Variants in THSD7A observed in about 807,000 individuals in gnomAD.
THSD7A encodes the protein thrombospondin type-1 domain-containing protein 7A.
A neutral mutation model predicts 231.3 loss-of-function variants in THSD7A; 96 were observed. That is an observed-to-expected ratio of 0.41 (90% CI 0.35 to 0.49). THSD7A has a LOEUF of 0.49. Ranked by LOEUF, THSD7A falls within the 20% of genes least tolerant of loss-of-function variation. The pLI is 0.05. For synonymous variants in THSD7A, 940 were observed against 743.3 expected (o/e 1.26, Z -4.30); for missense variants, 2,290 against 2,070.2 (o/e 1.11, Z -2.06).
intron 1 of THSD7A, among the ~76,000 whole-genome samples, chr7:11,646,632 C>T (rs1782292960): frequency 6.6e-6 from 1 of 151,944 alleles, no homozygotes; most frequent in Non-Finnish European, 1.5e-5. Context: ...CAAAAGTGAG[C>T]TACCTTTGGA....
intron 1 of THSD7A, among the ~76,000 whole-genome samples, chr7:11,708,700 G>C (rs1039614648): frequency 6.6e-6 from 1 of 150,694 alleles, no homozygotes; most frequent in African/African-American, 2.4e-5. Context: ...TAATTCAAAA[G>C]TTTTGGACCA....
chr7:11,575,520 G>C (rs890940293), intron 4 of THSD7A, among the ~76,000 whole-genome samples: 2 of 152,070 alleles, frequency 1.3e-5, no homozygotes, highest in Admixed American at 6.5e-5. Flanking sequence ...TATCCTCACC[G>C]CAATGATGGT....
intron 2 of THSD7A, among the ~76,000 whole-genome samples, chr7:11,610,585 T>C (rs1248202693): frequency 6.6e-6 from 1 of 152,118 alleles, no homozygotes; most frequent in Admixed American, 6.6e-5. Context: ...TGAACACAAT[T>C]TGCCCAGTTC....
rs1227403869 is a variant in THSD7A at position 11,444,868 on chromosome 7, T to A, written c.3064+1193A>T. On this transcript the variant is annotated intron_variant, in intron 13 of 27. Transcript: ENST00000423059. The surrounding 1 kb of genome is among the most constrained non-coding windows in gnomAD (Gnocchi z 4.2). The stretch of plus-strand genomic sequence containing the variant: ...TTAAACTATATATATAAAACTATCA[T>A]TATATATAACTATTTTATATATATA... Among the ~76,000 whole-genome samples, 2 of 147,508 alleles carry A rather than the reference T, an allele frequency of 1.4e-5. No individual in the cohort carries two copies. The highest frequency in any genetic ancestry group is 4.9e-5 in the African/African-American group (2 of 40,630).
chr7:11,605,183 T>C (rs999167224), intron 2 of THSD7A, among the ~76,000 whole-genome samples: 3 of 152,032 alleles, frequency 2.0e-5, no homozygotes, highest in Non-Finnish European at 4.4e-5. Flanking sequence ...TATATGTACA[T>C]GTATATATGT....
intron 13 of THSD7A, among the ~76,000 whole-genome samples, chr7:11,445,369 T>C (rs1266506098): frequency 6.6e-6 from 1 of 152,096 alleles, no homozygotes; most frequent in Non-Finnish European, 1.5e-5. Flanking sequence ...AGATTGAATA[T>C]ATTCTGGTCA....
intron 1 of THSD7A, among the ~76,000 whole-genome samples, chr7:11,747,386 G>A (rs2355078): frequency 0.64 from 97,885 of 151,764 alleles, 32,158 homozygotes; most frequent in African/African-American, 0.78. Flanking sequence ...CCTCTCCGTT[G>A]AGTGAGTTTA....
intron 26 of THSD7A, chr7:11,378,773 C>A (rs1782383500): frequency 6.1e-6 from 2 of 330,012 alleles, no homozygotes; most frequent in Non-Finnish European, 1.1e-5. Flanking sequence ...ATGTTTCTAA[C>A]TTTGTTCAAT....
intron 1 of THSD7A, among the ~76,000 whole-genome samples, chr7:11,704,507 A>G (rs966626051): frequency 1.3e-5 from 2 of 150,824 alleles, no homozygotes; most frequent in African/African-American, 4.9e-5. Context: ...GGCAAGGAGA[A>G]GAAGCAGGAA....
At chr7:11,600,571 C>T (rs17164866) in intron 2 of THSD7A, among the ~76,000 whole-genome samples, 6,623 of 152,082 alleles carry the variant, frequency 0.044, 190 homozygotes, top group Middle Eastern at 0.075. Flanking sequence ...GAAGAGTTTT[C>T]GTGAAATTGG....
chr7:11,720,656 T>C (rs77159851), intron 1 of THSD7A, among the ~76,000 whole-genome samples: 21,584 of 151,712 alleles, frequency 0.14, 1,987 homozygotes, highest in South Asian at 0.21. Context: ...GAACCTACCA[T>C]CAACTGGTTC....
intron 1 of THSD7A, among the ~76,000 whole-genome samples, chr7:11,666,263 C>A (rs1783127236): frequency 1.3e-5 from 2 of 151,516 alleles, no homozygotes; most frequent in Non-Finnish European, 2.9e-5. Flanking sequence ...GGTGGTAGAA[C>A]CCATGTCTAA....
intron 1 of THSD7A, among the ~76,000 whole-genome samples, chr7:11,664,033 G>GGT (rs1783029779): frequency 6.6e-6 from 1 of 151,362 alleles, no homozygotes; most frequent in Non-Finnish European, 1.5e-5. Flanking sequence ...AACTTGCTGG[G>GGT]ATCTTTTACT....
chr7:11,488,162 G>T (rs1448793930), intron 6 of THSD7A, among the ~76,000 whole-genome samples: 1 of 152,136 alleles, frequency 6.6e-6, no homozygotes, highest in Non-Finnish European at 1.5e-5. Context: ...TCTCTTGCCA[G>T]ATCTATACAA....
intron 22 of THSD7A, among the ~76,000 whole-genome samples, chr7:11,404,901 T>G (rs1031996351): frequency 2.2e-4 from 34 of 152,196 alleles, no homozygotes; most frequent in Non-Finnish European, 4.7e-4. Context: ...TTATTCACCT[T>G]GCATAGCTGA....
intron 4 of THSD7A, among the ~76,000 whole-genome samples, chr7:11,588,273 T>C (rs1278218995): frequency 1.3e-5 from 2 of 152,154 alleles, no homozygotes; most frequent in Admixed American, 1.3e-4. Flanking sequence ...ATGTTTCCTA[T>C]TGGGAAATGT....
chr7:11,496,074 G>A (rs1787086166), intron 6 of THSD7A, among the ~76,000 whole-genome samples: 1 of 152,102 alleles, frequency 6.6e-6, no homozygotes, highest in Non-Finnish European at 1.5e-5. Context: ...TGACTATAAT[G>A]TTCCTGAATT....
intron 6 of THSD7A, among the ~76,000 whole-genome samples, chr7:11,530,880 G>A (rs570524296): frequency 3.4e-4 from 52 of 152,030 alleles, no homozygotes; most frequent in Non-Finnish European, 6.9e-4. Flanking sequence ...GCATGGTCGC[G>A]GGTGTCTGTA....
At chr7:11,528,638 A>G (rs1277312453) in intron 6 of THSD7A, among the ~76,000 whole-genome samples, 1 of 152,300 alleles carries the variant, frequency 6.6e-6, no homozygotes, top group East Asian at 1.9e-4. Context: ...TAATGAGCTA[A>G]TTTACTTAAA....
Sources: allele counts gnomAD v4.1 joint callset (sites outside exome capture counted in the v4.1 genomes callset), GRCh38; gene constraint gnomAD v4.1.1; non-coding constraint Gnocchi (gnomAD v3.1); transcripts MANE v1.5; gene names NCBI Gene and HGNC (gene_info 2026-07-23, HGNC 2026-07-21).